SPIRE1: variants seen among roughly 807,000 people sequenced by gnomAD.
The protein encoded by SPIRE1 is protein spire homolog 1.
In SPIRE1, 40 loss-of-function variants were observed where a neutral mutation model predicts 94.1. The ratio of observed to expected loss-of-function variants is 0.43; its 90% CI spans 0.33 to 0.55. The LOEUF is 0.55. Ranked by LOEUF, SPIRE1 falls within the 20% of genes least tolerant of loss-of-function variation. SPIRE1 has a pLI of 0.06. For missense variants in SPIRE1, 838 were observed against 975.2 expected (o/e 0.86, Z 1.87); for synonymous variants, 376 against 371.7 (o/e 1.01, Z -0.13).
intron 4 of SPIRE1, among the ~76,000 whole-genome samples, chr18:12,515,117 C>A (rs923570767): frequency 6.6e-6 from 1 of 151,968 alleles, no homozygotes; most frequent in Non-Finnish European, 1.5e-5. Flanking sequence ...CCCACAGAAG[C>A]AATATACTGC....
At chr18:12,488,613 G>A (rs953714034) in intron 8 of SPIRE1, among the ~76,000 whole-genome samples, 2 of 151,882 alleles carry the variant, frequency 1.3e-5, no homozygotes, top group African/African-American at 4.8e-5. Flanking sequence ...AAAAAATGAC[G>A]TGAAGGAAAA....
chr18:12,657,407 G>C (rs1262199448), intron 1 of SPIRE1, 123 bp downstream of exon 1: 7 of 793,930 alleles, frequency 8.8e-6, no homozygotes, highest in Non-Finnish European at 1.2e-5. Flanking sequence ...GATCCTCCCG[G>C]GGGTCTCCCG....
At chr18:12,625,139 C>G (rs1391387293) in intron 2 of SPIRE1, among the ~76,000 whole-genome samples, 3 of 152,140 alleles carry the variant, frequency 2.0e-5, no homozygotes, top group Admixed American at 1.3e-4. Flanking sequence ...TACATGAAAT[C>G]TAAGTGGAGA....
At chr18:12,621,641 G>A (rs752449365) in intron 2 of SPIRE1, among the ~76,000 whole-genome samples, 4 of 152,324 alleles carry the variant, frequency 2.6e-5, no homozygotes, top group East Asian at 1.9e-4. Flanking sequence ...CCGTGCATAT[G>A]CAATGTCCAG....
intron 7 of SPIRE1, among the ~76,000 whole-genome samples, chr18:12,495,637 C>G (rs1490855674): frequency 6.6e-6 from 1 of 151,956 alleles, no homozygotes; most frequent in African/African-American, 2.4e-5. Context: ...GTCTGTAATC[C>G]CAACACTTCA....
intron 2 of SPIRE1, among the ~76,000 whole-genome samples, chr18:12,633,800 C>T (rs1365680349): frequency 1.3e-5 from 2 of 152,132 alleles, no homozygotes; most frequent in Admixed American, 1.3e-4. Context: ...AAACACCCAA[C>T]ACCCCCAATC....
chr18:12,458,676 A>C (rs1449811866), intron 12 of SPIRE1, among the ~76,000 whole-genome samples: 1 of 152,184 alleles, frequency 6.6e-6, no homozygotes, highest in East Asian at 1.9e-4. Context: ...AAAGTGGTAT[A>C]TGGCCTTAGT....
chr18:12,457,832 T>C (rs2031587493), intron 12 of SPIRE1, among the ~76,000 whole-genome samples: 1 of 149,668 alleles, frequency 6.7e-6, no homozygotes, highest in Admixed American at 6.8e-5. Flanking sequence ...ATAGTCACCT[T>C]TCTTTTCTTT....
At chr18:12,460,712 CAA>C (rs11461725) in intron 12 of SPIRE1, among the ~76,000 whole-genome samples, 1 of 140,484 alleles carries the variant, frequency 7.1e-6, no homozygotes. Context: ...AACTCCATCT[CAA>C]AAAAAAAAAA....
chr18:12,653,242 G>A (rs772640006), intron 1 of SPIRE1: 5 of 152,236 alleles, frequency 3.3e-5, no homozygotes, highest in African/African-American at 7.2e-5. Flanking sequence ...CAAAAATGCC[G>A]ACAGTGCCAG....
At position 12,658,079 on chromosome 18, in the gene SPIRE1, C is replaced by T. The variant is rs1480944131; in HGVS notation, c.-213G>A. The T allele has an allele frequency of 1.0e-5, 10 of 992,032 alleles. No individual in the cohort carries two copies. The highest frequency in any genetic ancestry group is 1.1e-5 in the Non-Finnish European group (9 of 835,614). The allele number at this position is 992,032 out of a possible 1,614,324, so 61.5% of individuals were successfully genotyped here. On this transcript the variant is annotated 5_prime_UTR_variant, in exon 1 of 17. Transcript: ENST00000409402. ...ACGGCTGCAGTCCCGGTCAGACAGC[C>T]GCCGGCCGGTAGCGACGCGATGGCG...
At chr18:12,478,211 T>G (rs891997166) in intron 10 of SPIRE1, among the ~76,000 whole-genome samples, 3 of 151,836 alleles carry the variant, frequency 2.0e-5, no homozygotes, top group Non-Finnish European at 4.4e-5. Flanking sequence ...GCAACTAGGA[T>G]AGCAAGCAGA....
At chr18:12,608,419 A>C (rs2037048454) in intron 2 of SPIRE1, among the ~76,000 whole-genome samples, 1 of 152,212 alleles carries the variant, frequency 6.6e-6, no homozygotes, top group Admixed American at 6.5e-5. Flanking sequence ...CTAGTAAGGT[A>C]AAGTCTTTTG....
intron 2 of SPIRE1, among the ~76,000 whole-genome samples, chr18:12,627,451 C>T (rs2037663759): frequency 6.6e-6 from 1 of 152,170 alleles, no homozygotes; most frequent in Non-Finnish European, 1.5e-5. Context: ...TTTCTTAATC[C>T]AGTCTATCAT....
At position 12,571,041 on chromosome 18, in the gene SPIRE1, A is replaced by T. The variant is rs144399142; in HGVS notation, c.373-24137T>A. On this transcript the variant is annotated intron_variant, in intron 2 of 16. Transcript: ENST00000409402. ...TTTTTCAGACCTGGTAAAAGGTTAC[A>T]TATTTATCTCAAACCTATTTTATCC... 2.1e-3 allele frequency among the ~76,000 whole-genome samples: 317 copies of T among 152,048 alleles called. 1 individual carries two copies. Among genetic ancestry groups the T allele is most frequent in the African/African-American group, 6.7e-3 (277 of 41,480 alleles).
intron 4 of SPIRE1, among the ~76,000 whole-genome samples, chr18:12,534,547 C>T (rs373472884): frequency 6.6e-6 from 1 of 152,134 alleles, no homozygotes; most frequent in East Asian, 1.9e-4. Context: ...TGGGCACCAT[C>T]CATTTGGCTG....
intron 2 of SPIRE1, among the ~76,000 whole-genome samples, chr18:12,598,288 T>C (rs2036735381): frequency 6.6e-6 from 1 of 152,206 alleles, no homozygotes; most frequent in South Asian, 2.1e-4. Context: ...AATTCCTGGT[T>C]ATTAAAAACA....
At chr18:12,654,066 G>A (rs1361975931) in intron 1 of SPIRE1, among the ~76,000 whole-genome samples, 1 of 152,146 alleles carries the variant, frequency 6.6e-6, no homozygotes, top group African/African-American at 2.4e-5. Flanking sequence ...GCCAGGCACC[G>A]TGGCTCACTT....
At chr18:12,587,910 A>T (rs1375999856) in intron 2 of SPIRE1, among the ~76,000 whole-genome samples, 1 of 152,148 alleles carries the variant, frequency 6.6e-6, no homozygotes, top group Non-Finnish European at 1.5e-5. Context: ...TACATTCATG[A>T]TCACAATTAA....
Sources: allele counts gnomAD v4.1 joint callset (sites outside exome capture counted in the v4.1 genomes callset), GRCh38; gene constraint gnomAD v4.1.1; transcripts MANE v1.5; gene names NCBI Gene and HGNC (gene_info 2026-07-23, HGNC 2026-07-21).